Variants in AP3B1 observed in about 807,000 individuals in gnomAD.
AP3B1 encodes AP-3 complex subunit beta-1.
A neutral mutation model predicts 132.5 loss-of-function variants in AP3B1; 61 were observed. That is an observed-to-expected ratio of 0.46 (90% CI 0.37 to 0.57). The LOEUF (loss-of-function observed/expected upper bound fraction) is 0.57. Ranked by LOEUF, AP3B1 falls within the 20% of genes least tolerant of loss-of-function variation. AP3B1 has a pLI of 0.00. For synonymous variants in AP3B1, 388 were observed against 438.3 expected, an observed-to-expected ratio of 0.89 and a Z score of 1.43; for missense variants, 1,120 against 1,289.4, an observed-to-expected ratio of 0.87 and a Z score of 2.01.
chr5:78,140,959 T>A (rs1361183791), intron 15 of AP3B1, among the ~76,000 whole-genome samples, 184 bp downstream of exon 15: 1 of 152,192 alleles, frequency 6.6e-6, no homozygotes, highest in Non-Finnish European at 1.5e-5. Flanking sequence ...TTTAATCTGT[T>A]TTCTCTCTTA....
intron 22 of AP3B1, among the ~76,000 whole-genome samples, chr5:78,062,226 G>A (rs1179448333): frequency 2.6e-5 from 4 of 152,158 alleles, no homozygotes; most frequent in African/African-American, 9.7e-5. Context: ...TGGTATGGTA[G>A]GTAACCTGAA....
chr5:78,268,944 C>T (rs1748440802), intron 1 of AP3B1, among the ~76,000 whole-genome samples: 1 of 152,156 alleles, frequency 6.6e-6, no homozygotes, highest in South Asian at 2.1e-4. Context: ...ATATAAATTA[C>T]ATGTTTCTTC....
At chr5:78,003,994 T>G (rs1746291463) in intron 26 of AP3B1, among the ~76,000 whole-genome samples, 1 of 151,978 alleles carries the variant, frequency 6.6e-6, no homozygotes, top group Admixed American at 6.6e-5. Flanking sequence ...GGGGAGGGGG[T>G]TTGATTGCAG....
chr5:78,277,435 A>G (rs1748829427), intron 1 of AP3B1, among the ~76,000 whole-genome samples: 1 of 152,186 alleles, frequency 6.6e-6, no homozygotes, highest in Admixed American at 6.5e-5. Flanking sequence ...CAAGGCAGAG[A>G]AGGAAGAAAG....
chr5:78,223,007 T>TTTTG (rs1005114536), intron 6 of AP3B1, among the ~76,000 whole-genome samples: 12 of 147,550 alleles, frequency 8.1e-5, no homozygotes, highest in Admixed American at 5.4e-4. Context: ...TTTCTTGTTT[T>TTTTG]TTTGTTTGTT....
chr5:78,165,722 A>T, intron 11 of AP3B1, 50 bp from the exon 12 acceptor site: 1 of 1,217,696 alleles, frequency 8.2e-7, no homozygotes, highest in Non-Finnish European at 1.2e-6. Context: ...AGGTAGCAAG[A>T]TGAATTTAAT....
At chr5:78,178,326 T>A (rs890552927) in intron 8 of AP3B1, among the ~76,000 whole-genome samples, 4 of 152,148 alleles carry the variant, frequency 2.6e-5, no homozygotes, top group Non-Finnish European at 5.9e-5. Context: ...AAAGCCATTA[T>A]AAGGGTGATT....
At chr5:78,276,393 G>A (rs1748777263) in intron 1 of AP3B1, among the ~76,000 whole-genome samples, 1 of 152,160 alleles carries the variant, frequency 6.6e-6, no homozygotes, top group African/African-American at 2.4e-5. Flanking sequence ...ATTTGACAAA[G>A]TGCAACATTT....
intron 2 of AP3B1, among the ~76,000 whole-genome samples, chr5:78,245,189 A>T (rs1173386013): frequency 6.6e-6 from 1 of 152,208 alleles, no homozygotes; most frequent in Non-Finnish European, 1.5e-5. Flanking sequence ...TTTATTGAGT[A>T]CAATCACTTA....
chr5:78,036,691 C>T (rs1747822601), intron 23 of AP3B1, among the ~76,000 whole-genome samples: 1 of 151,772 alleles, frequency 6.6e-6, no homozygotes, highest in African/African-American at 2.4e-5. Context: ...GAGTGAAATC[C>T]AGAAAAAAAA....
chr5:78,058,963 G>C (rs1462757117), intron 22 of AP3B1, among the ~76,000 whole-genome samples: 1 of 152,204 alleles, frequency 6.6e-6, no homozygotes, highest in Admixed American at 6.5e-5. Flanking sequence ...CTATAAGTGA[G>C]GTGGTATACA....
chr5:78,279,828 G>A (rs1748962993), intron 1 of AP3B1, among the ~76,000 whole-genome samples: 1 of 133,430 alleles, frequency 7.5e-6, no homozygotes, highest in Non-Finnish European at 1.7e-5. Context: ...ATATATAGGT[G>A]TGTATATATA....
chr5:78,009,578 G>A (rs1746533860), intron 26 of AP3B1, among the ~76,000 whole-genome samples: 1 of 152,048 alleles, frequency 6.6e-6, no homozygotes, highest in South Asian at 2.1e-4. Context: ...TTAAAAAGTT[G>A]ACTACTTGGT....
intron 22 of AP3B1, among the ~76,000 whole-genome samples, chr5:78,068,567 T>A (rs1749392634): frequency 6.6e-6 from 1 of 152,018 alleles, no homozygotes; most frequent in South Asian, 2.1e-4. Context: ...AGAAGTTGAA[T>A]CCCTGAACAG....
chr5:78,204,682 G>C (rs1054247111), intron 7 of AP3B1, among the ~76,000 whole-genome samples: 13 of 152,170 alleles, frequency 8.5e-5, no homozygotes, highest in Non-Finnish European at 1.5e-4. Flanking sequence ...CAAAATAAAG[G>C]CATGTCCCTT....
chr5:78,034,590 A>G, intron 23 of AP3B1, 145 bp from the exon 24 acceptor site: 1 of 681,544 alleles, frequency 1.5e-6, no homozygotes, highest in Non-Finnish European at 2.6e-6. Context: ...TAAGAATATT[A>G]AAGCAAATTA....
chr5:78,203,740 T>C (rs1476270009), intron 7 of AP3B1, among the ~76,000 whole-genome samples: 1 of 152,166 alleles, frequency 6.6e-6, no homozygotes, highest in African/African-American at 2.4e-5. Flanking sequence ...CTTGATGTCA[T>C]CACACAGGCC....
intron 2 of AP3B1, among the ~76,000 whole-genome samples, chr5:78,247,505 CA>C (rs1253203033): frequency 6.6e-6 from 1 of 151,094 alleles, no homozygotes; most frequent in African/African-American, 2.4e-5. Context: ...TCAGTTCTAA[CA>C]GGTTTTTTTT....
chr5:78,193,770 A>ATATATATATATTT, intron 7 of AP3B1, among the ~76,000 whole-genome samples: 2 of 67,216 alleles, frequency 3.0e-5, no homozygotes, highest in African/African-American at 5.2e-5. Context: ...ATATATATAT[A>ATATATATATATTT]TTTTTTTTTT....
Sources: gnomAD v4.1 joint callset for allele counts (sites outside exome capture counted in the v4.1 genomes callset) on GRCh38, gnomAD v4.1.1 for gene constraint, MANE v1.5 for transcripts, NCBI Gene and HGNC (gene_info 2026-07-23, HGNC 2026-07-21) for gene names.